UBE2G1: variants seen among roughly 807,000 people sequenced by gnomAD.
UBE2G1 encodes the protein ubiquitin conjugating enzyme E2 G1, also known as ubiquitin-conjugating enzyme E2 G1.
A neutral mutation model predicts 22.7 loss-of-function variants in UBE2G1; 5 were observed. The ratio of observed to expected loss-of-function variants is 0.22; its 90% CI spans 0.12 to 0.46. The LOEUF is 0.46. UBE2G1 is among the 20% of genes least tolerant of loss of function. The pLI is 0.99. For synonymous variants in UBE2G1, 74 were observed against 67.5 expected (o/e 1.10, Z -0.47); for missense variants, 88 against 203.9 (o/e 0.43, Z 3.46).
chr17:4,283,066 G>C, intron 4 of UBE2G1, 145 bp from the exon 5 acceptor site: 1 of 672,382 alleles, frequency 1.5e-6, no homozygotes, highest in Non-Finnish European at 2.4e-6. Context: ...AAAGCAGTTA[G>C]ACATACTTTT....
chr17:4,322,364 G>C (rs1303073678), intron 1 of UBE2G1, among the ~76,000 whole-genome samples: 1 of 152,210 alleles, frequency 6.6e-6, no homozygotes, highest in Non-Finnish European at 1.5e-5. Context: ...CTCACCCTCT[G>C]TTGTATCTTC....
intron 1 of UBE2G1, among the ~76,000 whole-genome samples, chr17:4,309,379 T>C (rs1256331420): frequency 1.3e-5 from 2 of 152,280 alleles, no homozygotes; most frequent in Non-Finnish European, 2.9e-5. Context: ...TTACAAATAG[T>C]TAAAATCAGC....
At chr17:4,288,373 C>T (rs1444855425) in intron 4 of UBE2G1, among the ~76,000 whole-genome samples, 1 of 152,002 alleles carries the variant, frequency 6.6e-6, no homozygotes, top group Non-Finnish European at 1.5e-5. Flanking sequence ...ACTATAGGCG[C>T]CCGCCACCAC....
At chr17:4,334,901 A>G (rs1969626431) in intron 1 of UBE2G1, among the ~76,000 whole-genome samples, 1 of 152,124 alleles carries the variant, frequency 6.6e-6, no homozygotes, top group African/African-American at 2.4e-5. Context: ...CAACTCACAG[A>G]CATAAATATA....
At chr17:4,345,872 G>A (rs1969763775) in intron 1 of UBE2G1, 1 of 152,096 alleles carries the variant, frequency 6.6e-6, no homozygotes, top group African/African-American at 2.4e-5. Flanking sequence ...GGCGGAGGAA[G>A]AACAACTCTT....
At chr17:4,317,895 A>G (rs1969394914) in intron 1 of UBE2G1, among the ~76,000 whole-genome samples, 1 of 152,338 alleles carries the variant, frequency 6.6e-6, no homozygotes, top group Middle Eastern at 3.4e-3. Context: ...TTATGCCCTA[A>G]CACTAGTTTA....
intron 1 of UBE2G1, among the ~76,000 whole-genome samples, chr17:4,332,897 G>C (rs994023625): frequency 2.0e-5 from 3 of 151,990 alleles, no homozygotes; most frequent in South Asian, 2.1e-4. Flanking sequence ...CTCTTTCCCT[G>C]TTCTAGTTTC....
At chr17:4,300,563 A>G (rs1033230751) in intron 2 of UBE2G1, among the ~76,000 whole-genome samples, 1 of 152,006 alleles carries the variant, frequency 6.6e-6, no homozygotes, top group African/African-American at 2.4e-5. Context: ...AATAATAAAT[A>G]AATAAATAAA....
At chr17:4,278,741 A>G (rs750055841) in intron 5 of UBE2G1, among the ~76,000 whole-genome samples, 5 of 152,186 alleles carry the variant, frequency 3.3e-5, no homozygotes, top group Non-Finnish European at 7.3e-5. Flanking sequence ...AGATGGTGAA[A>G]ATAGGAATAA....
intron 2 of UBE2G1, among the ~76,000 whole-genome samples, chr17:4,304,334 G>C (rs761192174): frequency 1.3e-5 from 2 of 152,096 alleles, no homozygotes; most frequent in African/African-American, 4.8e-5. Flanking sequence ...ACTTCTACCT[G>C]AAATTTTAAT....
chr17:4,283,520 T>A (rs959460633), intron 4 of UBE2G1, among the ~76,000 whole-genome samples: 19 of 152,024 alleles, frequency 1.2e-4, no homozygotes, highest in Admixed American at 1.1e-3. Context: ...ATTCAGTTGG[T>A]AATCTGAAGG....
At chr17:4,331,244 G>T (rs1053543060) in intron 1 of UBE2G1, among the ~76,000 whole-genome samples, 15 of 152,066 alleles carry the variant, frequency 9.9e-5, no homozygotes, top group Non-Finnish European at 1.9e-4. Context: ...GAAATGACCA[G>T]AAATTTATCC....
intron 3 of UBE2G1, among the ~76,000 whole-genome samples, chr17:4,294,742 C>T (rs1197031162): frequency 3.3e-5 from 5 of 152,122 alleles, no homozygotes; most frequent in African/African-American, 1.2e-4. Flanking sequence ...TGGTGAAACC[C>T]CGTCTTTACA....
intron 5 of UBE2G1, among the ~76,000 whole-genome samples, chr17:4,274,881 T>C (rs147621209): frequency 2.8e-5 from 1 of 35,942 alleles, no homozygotes; most frequent in African/African-American, 6.5e-5. Context: ...GAGACCCTTG[T>C]CTGTACAATA....
chr17:4,340,516 G>C (rs1969698886), intron 1 of UBE2G1, among the ~76,000 whole-genome samples: 1 of 152,086 alleles, frequency 6.6e-6, no homozygotes, highest in Admixed American at 6.6e-5. Flanking sequence ...CACCCATGCT[G>C]TTCTCGTGAT....
intron 3 of UBE2G1, among the ~76,000 whole-genome samples, chr17:4,289,630 GCTAT>G (rs576972928): frequency 5.3e-5 from 8 of 152,164 alleles, no homozygotes; most frequent in Non-Finnish European, 1.2e-4. Context: ...AGGAATACAA[GCTAT>G]CTTTTTCATT....
intron 3 of UBE2G1, among the ~76,000 whole-genome samples, chr17:4,296,472 A>G (rs1969113140): frequency 6.6e-6 from 1 of 152,158 alleles, no homozygotes; most frequent in South Asian, 2.1e-4. Flanking sequence ...CATGTTTGCC[A>G]GGCTGGTCTC....
In UBE2G1 at chr17:4,351,931, A is replaced by G. The variant is rs150445115; in HGVS notation, c.46+14340T>C. 5.3e-5 allele frequency among the ~76,000 whole-genome samples: 8 copies of G among 152,300 alleles called. No individual in the cohort carries two copies. In the East Asian group the frequency reaches 1.2e-3, roughly 22 times the overall value. ...TATTAGTTCCCCTTCCAAAAGTTAC[A>G]AAGACTTCAGAGTTTAACAGACAGT... On this transcript the variant is annotated intron_variant, in intron 1 of 5. Transcript: ENST00000396981.
intron 1 of UBE2G1, among the ~76,000 whole-genome samples, chr17:4,340,459 T>C (rs576554394): frequency 6.6e-6 from 1 of 152,246 alleles, no homozygotes; most frequent in Non-Finnish European, 1.5e-5. Context: ...TACAATTACA[T>C]GTTGAGGGAG....
Sources: gnomAD v4.1 joint callset for allele counts (sites outside exome capture counted in the v4.1 genomes callset) on GRCh38, gnomAD v4.1.1 for gene constraint, MANE v1.5 for transcripts, NCBI Gene and HGNC (gene_info 2026-07-23, HGNC 2026-07-21) for gene names.